CCDC87: variants seen among roughly 807,000 people sequenced by gnomAD.
CCDC87 encodes coiled-coil domain-containing protein 87.
For missense variants in CCDC87, 1,072 were observed against 1,041.7 expected (o/e 1.03, Z -0.40); for synonymous variants, 434 against 440.2 (o/e 0.99, Z 0.18).
At position 66,591,684 on chromosome 11, in the gene CCDC87, A is replaced by T; in HGVS notation, c.1332T>A (p.Ala444=). 1.2e-6 allele frequency: 2 copies of T among 1,613,720 alleles called. No homozygotes were observed. Among genetic ancestry groups the T allele is most frequent in the African/African-American group, 1.3e-5 (1 of 75,032 alleles). ...KLRNEVVVQA[A]AVRVSDRNFL... is the part of the protein sequence containing the mutation. The stretch of plus-strand genomic sequence containing the variant: ...AGTTTCTATCAGAGACCCGTACGGC[A>T]GCCGCCTGGACCACGACCTCATTTC... The change falls in exon 1 of 1, where the codon GCT becomes GCA. Residue 444 remains alanine (A), a synonymous_variant. Transcript: ENST00000333861.
chr11:66,592,569 G>A lies in CCDC87; in HGVS notation c.447C>T (p.Ala149=), dbSNP rs1327614464. Residue 149 remains alanine (A), a synonymous_variant, in exon 1 of 1, where the codon GCC becomes GCT. Coordinates refer to ENST00000333861, the MANE Select transcript of CCDC87 (RefSeq NM_018219.3). The part of the protein sequence containing the change: ...STPRGVFTES[A]TLTRLAASLA... ...GGCTGGCGGCCAACCGGGTGAGGGT[G>A]GCTGATTCAGTGAAGACCCCCCTGG... The A allele has an allele frequency of 3.1e-6, 5 of 1,613,028 alleles. No homozygotes were observed. Among genetic ancestry groups the A allele is most frequent in the Non-Finnish European group, 4.2e-6 (5 of 1,180,024 alleles).
At position 66,590,402 on chromosome 11, in the gene CCDC87, G is replaced by A; in HGVS notation, c.*64C>T. 1 of 1,264,396 alleles carries A rather than the reference G, an allele frequency of 7.9e-7. No homozygotes were observed. The highest frequency in any genetic ancestry group is 1.1e-6 in the Non-Finnish European group (1 of 899,370). The allele number at this position is 1,264,396 out of a possible 1,614,324, so 78.3% of individuals were successfully genotyped here. ...TAGATGAGCTGCTGGCCATTTAGGG[G>A]TGAGGGAGGCATTTGAGGGCACTGG... On this transcript the variant is annotated 3_prime_UTR_variant, in exon 1 of 1. Coordinates refer to ENST00000333861, the MANE Select transcript of CCDC87 (RefSeq NM_018219.3).
rs1858375668 is a variant in CCDC87 at position 66,592,077 on chromosome 11, G to A, written c.939C>T (p.Pro313=). The A allele has an allele frequency of 6.2e-7, 1 of 1,607,458 alleles. No individual in the cohort carries two copies. The highest frequency in any genetic ancestry group is 1.3e-5 in the African/African-American group (1 of 74,850). Residue 313 remains proline, a synonymous_variant, in exon 1 of 1, where the codon CCC becomes CCT. Coordinates refer to ENST00000333861, the MANE Select transcript of CCDC87 (RefSeq NM_018219.3). ...CCAGCCTCCAGCCCTCACGCAGGGA[G>A]GGCATGGATTGGCCTCTCCGGAGCT... ...CPELRRGQSM[P]SLREGWRLAD... is the part of the protein sequence containing the mutation.
Position 66,591,083 on chromosome 11 carries a change from C to T in CCDC87, c.1933G>A (p.Glu645Lys), listed in dbSNP as rs761955661. The change falls in exon 1 of 1, where the codon GAA (glutamate) becomes AAA (lysine). Residue 645 changes from glutamate (E) to lysine (K), a missense_variant. Physicochemically the swap from Glu to Lys is moderately conservative, Grantham distance 56 (BLOSUM62 1). Transcript: ENST00000333861. The part of the protein sequence containing the change: ...QHPPPLLEDE[E>K]PDFVPGEWDW... ...CACTCTCCTGGCACAAAGTCTGGTT[C>T]TTCATCTTCTAGCAATGGGGGAGGG... 6.2e-7 allele frequency: 1 copy of T among 1,614,166 alleles called. No individual in the cohort carries two copies. The highest frequency in any genetic ancestry group is 8.5e-7 in the Non-Finnish European group (1 of 1,180,054).
In CCDC87 at chr11:66,591,743, G is replaced by T. The variant is rs1366309897; in HGVS notation, c.1273C>A (p.His425Asn). 7 of 1,613,594 alleles carry T rather than the reference G, an allele frequency of 4.3e-6. No individual in the cohort carries two copies. In the African/African-American group the frequency reaches 9.3e-5, roughly 22 times the overall value. The change falls in exon 1 of 1, where the codon CAC (histidine) becomes AAC (asparagine). Residue 425 changes from histidine to asparagine, a missense_variant. Physicochemically the swap from His to Asn is moderately conservative, Grantham distance 68 (BLOSUM62 1). Coordinates refer to ENST00000333861, the MANE Select transcript of CCDC87 (RefSeq NM_018219.3). The stretch of plus-strand genomic sequence containing the variant: ...AAAGTAATGGTCACTGGCTGTGGGT[G>T]AAGTGGAAAGGATTTGGGGGGCTGG... ...DPQPPKSFPL[H>N]PQPVTITLKL...
rs764343536 is a variant in CCDC87 at position 66,592,080 on chromosome 11, C to A, written c.936G>T (p.Met312Ile). The change falls in exon 1 of 1, where the codon ATG (methionine) becomes ATT (isoleucine). Residue 312 changes from methionine to isoleucine, a missense_variant. By Grantham distance (10) the Met-to-Ile change is conservative. Coordinates refer to ENST00000333861, the MANE Select transcript of CCDC87 (RefSeq NM_018219.3). ...GCCTCCAGCCCTCACGCAGGGAGGG[C>A]ATGGATTGGCCTCTCCGGAGCTCAG... is the stretch of plus-strand genomic sequence containing the variant. ...FCPELRRGQS[M>I]PSLREGWRLA... is the part of the protein sequence containing the mutation. The A allele has an allele frequency of 1.6e-5, 26 of 1,606,044 alleles. No individual in the cohort carries two copies. In the East Asian group the frequency reaches 5.1e-4, roughly 32 times the overall value.
Position 66,593,042 on chromosome 11 carries a change from A to G in CCDC87, c.-27T>C. On this transcript the variant is annotated 5_prime_UTR_variant, in exon 1 of 1. Transcript: ENST00000333861. Reference sequence around the variant, plus strand: ...GAGCCGGCGGCCGCCACCGTCCAGGAACAGAAAGCCGAGGGGTTACTAAGG... The same window carrying G: ...GAGCCGGCGGCCGCCACCGTCCAGGGACAGAAAGCCGAGGGGTTACTAAGG... The G allele has an allele frequency of 6.6e-7, 1 of 1,506,458 alleles. No homozygotes were observed. The highest frequency in any genetic ancestry group is 8.8e-7 in the Non-Finnish European group (1 of 1,130,176). 93.3% of individuals were successfully genotyped at this position (1,506,458 alleles called of 1,614,324 possible).
rs1168608200 is a variant in CCDC87 at position 66,590,466 on chromosome 11, C to G, written c.2550G>C (p.Ter850TyrextTer1). 1 of 1,603,516 alleles carries G rather than the reference C, an allele frequency of 6.2e-7. No homozygotes were observed. The highest frequency in any genetic ancestry group is 1.7e-5 in the Admixed American group (1 of 58,884). Reference sequence around the variant, plus strand: ...GTAATAGGGGTATTCCCAGGAGCTACTAAAGGCTGGCTGCTGAGCTCCTGA... The same window carrying G: ...GTAATAGGGGTATTCCCAGGAGCTAGTAAAGGCTGGCTGCTGAGCTCCTGA... ...TLFRSSAASL* is the reference protein window; with the variant it reads ...TLFRSSAASLY The change falls in exon 1 of 1, where the codon TAG becomes TAC. Residue 850 changes from the stop codon to tyrosine, a stop_lost. Coordinates refer to ENST00000333861, the MANE Select transcript of CCDC87 (RefSeq NM_018219.3).
chr11:66,590,658 G>A lies in CCDC87; in HGVS notation c.2358C>T (p.Leu786=). 2 of 1,614,110 alleles carry A rather than the reference G, an allele frequency of 1.2e-6. No individual in the cohort carries two copies. Among genetic ancestry groups the A allele is most frequent in the Non-Finnish European group, 8.5e-7 (1 of 1,179,948 alleles). Residue 786 remains leucine, a synonymous_variant, in exon 1 of 1, where the codon CTC becomes CTT. Transcript: ENST00000333861. Reference sequence around the variant, plus strand: ...CAAAGATTAACTCTATCTCCTCCAGGAGGGAAACCAAAGAAGACTCCATTA... The same window carrying A: ...CAAAGATTAACTCTATCTCCTCCAGAAGGGAAACCAAAGAAGACTCCATTA... ...LNLMESSLVS[L]LEEIELIFGE...
chr11:66,591,848 C>T lies in CCDC87; in HGVS notation c.1168G>A (p.Ala390Thr), dbSNP rs374330821. The change falls in exon 1 of 1, where the codon GCT (alanine) becomes ACT (threonine). Residue 390 changes from alanine (A) to threonine (T), a missense_variant. Ala to Thr is a moderately conservative substitution (Grantham distance 58, BLOSUM62 0). Transcript: ENST00000333861. Reference protein sequence around the residue: ...PLLGVVTRHPAAGHRLEELEK... With the variant: ...PLLGVVTRHPTAGHRLEELEK... ...AGCTCCTCCAGGCGATGCCCTGCAG[C>T]TGGGTGACGGGTCACAACCCCCAGG... The T allele has an allele frequency of 4.8e-5, 78 of 1,613,470 alleles. 2 individuals are homozygous for T. In the South Asian group the frequency reaches 8.3e-4, roughly 17 times the overall value.
chr11:66,592,628 G>T lies in CCDC87; in HGVS notation c.388C>A (p.Arg130Ser). 2 of 1,613,780 alleles carry T rather than the reference G, an allele frequency of 1.2e-6. No homozygotes were observed. The highest frequency in any genetic ancestry group is 4.5e-5 in the East Asian group (2 of 44,888). The change falls in exon 1 of 1, where the codon CGC becomes AGC. Residue 130 changes from arginine to serine, a missense_variant. Arg to Ser is a moderately radical substitution (Grantham distance 110, BLOSUM62 -1). Coordinates refer to ENST00000333861, the MANE Select transcript of CCDC87 (RefSeq NM_018219.3). ...ATGGTCACCAGCAGGTGCAGGTAGC[G>T]CAAGAAGAGCTGCTCGCTGCTCAGC... ...VLLSSEQLFLRYLHLLVTMST... is the reference protein window; with the variant it reads ...VLLSSEQLFLSYLHLLVTMST...
In CCDC87 at chr11:66,590,421, G is replaced by T; in HGVS notation, c.*45C>A. 2 of 1,457,664 alleles carry T rather than the reference G, an allele frequency of 1.4e-6. No individual in the cohort carries two copies. The highest frequency in any genetic ancestry group is 1.9e-6 in the Non-Finnish European group (2 of 1,069,584). The allele number at this position is 1,457,664 out of a possible 1,614,324, so 90.3% of individuals were successfully genotyped here. A position where few individuals can be genotyped will look rare whatever the true frequency, so the allele number is the denominator to read the frequency against. ...TTAGGGGTGAGGGAGGCATTTGAGG[G>T]CACTGGGCCTGGTCAAGGAGTAATA... On this transcript the variant is annotated 3_prime_UTR_variant, in exon 1 of 1. Coordinates refer to ENST00000333861, the MANE Select transcript of CCDC87 (RefSeq NM_018219.3).
In CCDC87 at chr11:66,590,323, C is replaced by T; in HGVS notation, c.*143G>A. 2 of 635,880 alleles carry T rather than the reference C, an allele frequency of 3.1e-6. No homozygotes were observed. Among genetic ancestry groups the T allele is most frequent in the South Asian group, 4.1e-5 (2 of 49,138 alleles). The allele number at this position is 635,880 out of a possible 1,614,324, so 39.4% of individuals were successfully genotyped here. On this transcript the variant is annotated 3_prime_UTR_variant, in exon 1 of 1. Transcript: ENST00000333861. ...AGTTGGAAGCATAATGTTCCTGAAC[C>T]CTCCACTCCCAGATATAGACAAATA...
At position 66,592,422 on chromosome 11, in the gene CCDC87, G is replaced by A; in HGVS notation, c.594C>T (p.Val198=). Residue 198 remains valine (V), a synonymous_variant, in exon 1 of 1, where the codon GTC becomes GTT. Transcript: ENST00000333861. ...ACAGCTTGAACGTCCCAGCGGGGCA[G>A]ACAGGGTGCAGCTTGTCCACATCCC... is the stretch of plus-strand genomic sequence containing the variant. The part of the protein sequence containing the change: ...ASGDVDKLHP[V]CPAGTFKLCP... 1 of 1,614,032 alleles carries A rather than the reference G, an allele frequency of 6.2e-7. No homozygotes were observed. Among genetic ancestry groups the A allele is most frequent in the Non-Finnish European group, 8.5e-7 (1 of 1,180,008 alleles).
At position 66,592,589 on chromosome 11, in the gene CCDC87, C is replaced by T; in HGVS notation, c.427G>A (p.Gly143Arg). 6.2e-7 allele frequency: 1 copy of T among 1,613,528 alleles called. No individual in the cohort carries two copies. Among genetic ancestry groups the T allele is most frequent in the Non-Finnish European group, 8.5e-7 (1 of 1,180,016 alleles). Residue 143 changes from glycine (G) to arginine (R), a missense_variant, in exon 1 of 1, where the codon GGG (glycine) becomes AGG (arginine). Gly to Arg is a moderately radical substitution (Grantham distance 125). Coordinates refer to ENST00000333861, the MANE Select transcript of CCDC87 (RefSeq NM_018219.3). The part of the protein sequence containing the change: ...HLLVTMSTPR[G>R]VFTESATLTR... ...AGGGTGGCTGATTCAGTGAAGACCC[C>T]CCTGGGAGTCGACATGGTCACCAGC...
rs763462544 is a variant in CCDC87 at position 66,590,422 on chromosome 11, C to CA, written c.*43dup. 7.2e-5 allele frequency: 106 copies of CA among 1,470,438 alleles called. No homozygotes were observed. The highest frequency in any genetic ancestry group is 9.5e-5 in the Non-Finnish European group (103 of 1,079,598). 91.1% of individuals were successfully genotyped at this position (1,470,438 alleles called of 1,614,324 possible). ...TAGGGGTGAGGGAGGCATTTGAGGG[C>CA]ACTGGGCCTGGTCAAGGAGTAATAG... is the stretch of plus-strand genomic sequence containing the variant. On this transcript the variant is annotated 3_prime_UTR_variant, in exon 1 of 1. Coordinates refer to ENST00000333861, the MANE Select transcript of CCDC87 (RefSeq NM_018219.3).
rs780321060 is a variant in CCDC87 at position 66,592,663 on chromosome 11, G to A, written c.353C>T (p.Ala118Val). The change falls in exon 1 of 1, where the codon GCC becomes GTC. Residue 118 changes from alanine to valine, a missense_variant. Physicochemically the swap from Ala to Val is moderately conservative, Grantham distance 64. Coordinates refer to ENST00000333861, the MANE Select transcript of CCDC87 (RefSeq NM_018219.3). ...CTGCTCGCTGCTCAGCAGCACGTAGGCCTCGAGCCGCTTCCGCAGCTTCTG... is the reference window on the plus strand; with the variant it reads ...CTGCTCGCTGCTCAGCAGCACGTAGACCTCGAGCCGCTTCCGCAGCTTCTG... ...NNQKLRKRLEAYVLLSSEQLF... is the reference protein window; with the variant it reads ...NNQKLRKRLEVYVLLSSEQLF... The A allele has an allele frequency of 9.1e-5, 147 of 1,613,748 alleles. 1 individual carries two copies. The highest frequency in any genetic ancestry group is 1.2e-4 in the Non-Finnish European group (137 of 1,180,012).
rs1858342142 is a variant in CCDC87 at position 66,590,918 on chromosome 11, C to A, written c.2098G>T (p.Asp700Tyr). The A allele has an allele frequency of 6.2e-7, 1 of 1,613,488 alleles. No individual in the cohort carries two copies. Among genetic ancestry groups the A allele is most frequent in the African/African-American group, 1.3e-5 (1 of 74,954 alleles). The change falls in exon 1 of 1, where the codon GAC (aspartate) becomes TAC (tyrosine). Residue 700 changes from aspartate to tyrosine, a missense_variant. By Grantham distance (160) the Asp-to-Tyr change is radical. Transcript: ENST00000333861. ...VLEVPDKDQV[D>Y]MTIKYSSKAR... ...TTGGAGCTATATTTAATGGTCATGTCCACCTGGTCCTTGTCAGGGACCTCA... is the reference window on the plus strand; with the variant it reads ...TTGGAGCTATATTTAATGGTCATGTACACCTGGTCCTTGTCAGGGACCTCA...
chr11:66,590,979 G>C lies in CCDC87; in HGVS notation c.2037C>G (p.Ser679Arg), dbSNP rs1480270490. 6.2e-7 allele frequency: 1 copy of C among 1,613,720 alleles called. No individual in the cohort carries two copies. The change falls in exon 1 of 1, where the codon AGC (serine) becomes AGG (arginine). Residue 679 changes from serine to arginine, a missense_variant. By Grantham distance (110) the Ser-to-Arg change is moderately radical (BLOSUM62 -1). Transcript: ENST00000333861. ...ACAGTTGTTCCAGATGCTTCTGCAG[G>C]CTCAGAATTTTGTGGGGTTCTCCCA... ...PHLGEPHKIL[S>R]LQKHLEQLWS...
Sources: gnomAD v4.1 joint callset for allele counts on GRCh38, gnomAD v4.1.1 for gene constraint, MANE v1.5 for transcripts, NCBI Gene and HGNC (gene_info 2026-07-23, HGNC 2026-07-21) for gene names.